Variants in RNF138 observed in about 807,000 individuals in gnomAD.
RNF138 encodes ring finger protein 138, also known as E3 ubiquitin-protein ligase RNF138.
Under a neutral mutation model 31.0 loss-of-function variants are expected in RNF138, and 12 were observed. The observed-to-expected ratio is 0.39, with a 90% CI of 0.25 to 0.63. The LOEUF (loss-of-function observed/expected upper bound fraction) is 0.63, where lower values mean the gene tolerates loss of function less well. RNF138 is among the 20% of genes least tolerant of loss of function. RNF138 has a pLI of 0.52. For missense variants in RNF138, 192 were observed against 300.1 expected, an observed-to-expected ratio of 0.64 and a Z score of 2.66; for synonymous variants, 105 against 99.5, an observed-to-expected ratio of 1.06 and a Z score of -0.33.
chr18:32,109,464 G>C (rs1321438960), intron 2 of RNF138: 1 of 152,064 alleles, frequency 6.6e-6, no homozygotes, highest in East Asian at 1.9e-4. Context: ...TTTAGAGACA[G>C]GGTCATGCTG....
chr18:32,125,978 T>C (rs1219792616), intron 6 of RNF138, among the ~76,000 whole-genome samples: 1 of 152,258 alleles, frequency 6.6e-6, no homozygotes, highest in Non-Finnish European at 1.5e-5. Context: ...TTACCAAATT[T>C]TTATTCATTT....
In RNF138 at chr18:32,111,822, A is replaced by G. The variant is rs1370502566; in HGVS notation, c.179A>G (p.Asn60Ser). ...SGAHCPLCRG[N>S]VTRRERACPE... is the part of the protein sequence containing the mutation. ...GCACATTGTCCCCTATGTCGTGGAA[A>G]TGTGACTAGAAGAGAGAGAGCATGT... Residue 60 changes from asparagine to serine, a missense_variant, in exon 3 of 8, where the codon AAT becomes AGT. Physicochemically the swap from Asn to Ser is conservative, Grantham distance 46 (BLOSUM62 1). This residue lies in a region of RNF138 where 140 missense variants were observed against 251.7 expected (regional missense o/e 0.56). Transcript: ENST00000261593. 2 of 1,613,868 alleles carry G rather than the reference A, an allele frequency of 1.2e-6. No homozygotes were observed. The highest frequency in any genetic ancestry group is 1.3e-5 in the African/African-American group (1 of 74,902).
intron 7 of RNF138, among the ~76,000 whole-genome samples, chr18:32,128,917 T>G (rs2144303844): frequency 6.6e-6 from 1 of 152,340 alleles, no homozygotes; most frequent in Admixed American, 6.5e-5. Context: ...CAGTTACAAC[T>G]GAACTTAATG....
intron 2 of RNF138, among the ~76,000 whole-genome samples, chr18:32,103,132 G>C (rs1360466005): frequency 6.6e-6 from 1 of 151,964 alleles, no homozygotes; most frequent in African/African-American, 2.4e-5. Flanking sequence ...AGAAATTGTT[G>C]GCTTTGTTTC....
At chr18:32,106,548 TTTTATTTATTTA>T (rs58517415) in intron 2 of RNF138, among the ~76,000 whole-genome samples, 1 of 146,804 alleles carries the variant, frequency 6.8e-6, no homozygotes, top group Non-Finnish European at 1.5e-5. Flanking sequence ...TTTTATTTTA[TTTTATTTATTTA>T]TTTATTTATT....
At chr18:32,106,973 C>T (rs961950884) in intron 2 of RNF138, among the ~76,000 whole-genome samples, 23 of 152,014 alleles carry the variant, frequency 1.5e-4, no homozygotes, top group African/African-American at 5.6e-4. Context: ...TTTTTTAGCT[C>T]TGGAAATTCC....
chr18:32,114,435 T>C (rs1598857342), intron 4 of RNF138, among the ~76,000 whole-genome samples: 1 of 152,290 alleles, frequency 6.6e-6, no homozygotes, highest in East Asian at 1.9e-4. Context: ...CAAAATGCAC[T>C]TGTGGTTTAA....
At chr18:32,107,562 C>T (rs2040055488) in intron 2 of RNF138, among the ~76,000 whole-genome samples, 1 of 151,648 alleles carries the variant, frequency 6.6e-6, no homozygotes, top group Admixed American at 6.6e-5. Flanking sequence ...ACCCTGTCAC[C>T]CAGGCTGGAG....
intron 2 of RNF138, among the ~76,000 whole-genome samples, chr18:32,104,921 ATAAC>A (rs893003499): frequency 2.6e-5 from 4 of 152,330 alleles, no homozygotes; most frequent in South Asian, 4.1e-4. Context: ...ATGATTATGA[ATAAC>A]TAAGAAAATA....
At chr18:32,100,663 C>T (rs543504400) in intron 2 of RNF138, among the ~76,000 whole-genome samples, 14 of 151,990 alleles carry the variant, frequency 9.2e-5, no homozygotes, top group African/African-American at 2.4e-4. Flanking sequence ...TTAATAGAGA[C>T]GGGGGTTTCA....
chr18:32,123,361 T>C (rs1035496404), intron 4 of RNF138, among the ~76,000 whole-genome samples, 157 bp from the exon 5 acceptor site: 6 of 152,206 alleles, frequency 3.9e-5, no homozygotes, highest in Non-Finnish European at 8.8e-5. Context: ...AGTTCAAATT[T>C]TGTTTTTTCA....
chr18:32,113,863 A>G lies in RNF138; in HGVS notation c.392+3A>G. 7.7e-7 allele frequency: 1 copy of G among 1,295,668 alleles called. No individual in the cohort carries two copies. Among genetic ancestry groups the G allele is most frequent in the Non-Finnish European group, 1.1e-6 (1 of 920,450 alleles). 80.3% of individuals were successfully genotyped at this position (1,295,668 alleles called of 1,614,324 possible). ...TCTCAAGATTCAGTAGGGAACAGGTAAGCAATACTTATTCCTAAATACAGA... is the reference window on the plus strand; with the variant it reads ...TCTCAAGATTCAGTAGGGAACAGGTGAGCAATACTTATTCCTAAATACAGA... On this transcript the variant is annotated splice_donor_region_variant and intron_variant, in intron 4 of 7. Transcript: ENST00000261593.
chr18:32,130,334 CATTT>C lies in RNF138; in HGVS notation c.*1148_*1151del, dbSNP rs1598869641. On this transcript the variant is annotated 3_prime_UTR_variant, in exon 8 of 8. Coordinates refer to ENST00000261593, the MANE Select transcript of RNF138 (RefSeq NM_016271.5). The stretch of plus-strand genomic sequence containing the variant: ...CACAATTACCTGTTTATATGGTGCT[CATTT>C]GTTATTCTCAAATATAATGTGTGAC... The C allele has an allele frequency of 6.6e-6, 1 of 152,298 alleles. No individual in the cohort carries two copies. Among genetic ancestry groups the C allele is most frequent in the East Asian group, 1.9e-4 (1 of 5,172 alleles). 9.4% of individuals were successfully genotyped at this position (152,298 alleles called of 1,614,324 possible). A position where few individuals can be genotyped will look rare whatever the true frequency, so the allele number is the denominator to read the frequency against.
chr18:32,116,108 A>G (rs375278006), intron 4 of RNF138, among the ~76,000 whole-genome samples: 10 of 152,304 alleles, frequency 6.6e-5, no homozygotes, highest in African/African-American at 2.2e-4. Flanking sequence ...AAATAAGTTA[A>G]TACAGGTAAA....
intron 2 of RNF138, among the ~76,000 whole-genome samples, chr18:32,096,276 G>C (rs1488982915): frequency 3.3e-5 from 5 of 152,170 alleles, no homozygotes; most frequent in Non-Finnish European, 7.3e-5. Flanking sequence ...CTTGGTAGTG[G>C]TGAGACTAGT....
At chr18:32,102,623 G>A (rs1379741123) in intron 2 of RNF138, among the ~76,000 whole-genome samples, 3 of 151,530 alleles carry the variant, frequency 2.0e-5, no homozygotes, top group Admixed American at 2.0e-4. Flanking sequence ...TAATTTTGGA[G>A]GTTAATTTGG....
intron 2 of RNF138, among the ~76,000 whole-genome samples, chr18:32,101,749 ATCAT>A (rs1426897281): frequency 1.3e-5 from 2 of 152,178 alleles, no homozygotes; most frequent in Non-Finnish European, 2.9e-5. Context: ...TTTGTAATCC[ATCAT>A]CTTTGCCAAT....
chr18:32,123,411 T>TTAAAACAAATTCAGACTAG, intron 4 of RNF138, 107 bp from the exon 5 acceptor site: 1 of 724,960 alleles, frequency 1.4e-6, no homozygotes, highest in Non-Finnish European at 2.1e-6. Context: ...GTTCAGACTT[T>TTAAAACAAATTCAGACTAG]TAAAACAAAT....
intron 4 of RNF138, among the ~76,000 whole-genome samples, chr18:32,116,817 T>G (rs1431818673): frequency 3.3e-5 from 5 of 152,190 alleles, no homozygotes; most frequent in African/African-American, 4.8e-5. Flanking sequence ...ACTCCTGACC[T>G]CCGGTGATCC....
Sources: gnomAD v4.1 joint callset for allele counts (sites outside exome capture counted in the v4.1 genomes callset) on GRCh38, gnomAD v4.1.1 for gene constraint, gnomAD v4.1.1 regional missense constraint, MANE v1.5 for transcripts, NCBI Gene and HGNC (gene_info 2026-07-23, HGNC 2026-07-21) for gene names.